LRMDA: variants seen among roughly 807,000 people sequenced by gnomAD.
LRMDA encodes the protein leucine rich melanocyte differentiation associated, also known as leucine-rich melanocyte differentiation-associated protein.
In LRMDA, 18 loss-of-function variants were observed where a neutral mutation model predicts 29.8. That is an observed-to-expected ratio of 0.60 (90% CI 0.42 to 0.90). LRMDA has a LOEUF of 0.90. Ranked by LOEUF, LRMDA falls within the 40% of genes least tolerant of loss-of-function variation. The pLI is 0.00. For missense variants in LRMDA, 273 were observed against 273.9 expected, an observed-to-expected ratio of 1.00 and a Z score of 0.02; for synonymous variants, 125 against 109.4, an observed-to-expected ratio of 1.14 and a Z score of -0.89.
At chr10:76,160,895 C>G (rs1850634991) in intron 5 of LRMDA, among the ~76,000 whole-genome samples, 1 of 152,086 alleles carries the variant, frequency 6.6e-6, no homozygotes, top group African/African-American at 2.4e-5. Flanking sequence ...TGAGGTGTAT[C>G]TAAGATTTCT....
intron 2 of LRMDA, among the ~76,000 whole-genome samples, chr10:75,542,842 C>T (rs1300736988): frequency 6.6e-6 from 1 of 152,138 alleles, no homozygotes; most frequent in East Asian, 1.9e-4. Context: ...CCAACGTGGC[C>T]CCATTGCAGG....
At chr10:75,623,143 G>A (rs1564525026) in intron 2 of LRMDA, among the ~76,000 whole-genome samples, 2 of 152,016 alleles carry the variant, frequency 1.3e-5, no homozygotes, top group Non-Finnish European at 2.9e-5. Flanking sequence ...AACTTTAAAG[G>A]GTAATTGTAA....
chr10:76,400,599 A>G (rs982340617), intron 6 of LRMDA, among the ~76,000 whole-genome samples: 2 of 152,156 alleles, frequency 1.3e-5, no homozygotes, highest in African/African-American at 4.8e-5. Context: ...CCTGAGCACA[A>G]TTACCTCTGT....
intron 2 of LRMDA, among the ~76,000 whole-genome samples, chr10:75,966,401 G>A (rs1343983534): frequency 3.9e-5 from 6 of 152,102 alleles, no homozygotes; most frequent in South Asian, 4.2e-4. Flanking sequence ...GAACCCATAC[G>A]CGGAAAGCAC....
chr10:75,441,444 T>C (rs1022833082), intron 2 of LRMDA, among the ~76,000 whole-genome samples: 3 of 152,210 alleles, frequency 2.0e-5, no homozygotes, highest in Non-Finnish European at 4.4e-5. Context: ...ATGTATTGAC[T>C]TGTACTGCCA....
At chr10:75,950,150 C>G (rs181080844) in intron 2 of LRMDA, among the ~76,000 whole-genome samples, 1 of 152,170 alleles carries the variant, frequency 6.6e-6, no homozygotes, top group Admixed American at 6.5e-5. Flanking sequence ...GCTGGGGTCA[C>G]CCCCCTTCCT....
intron 2 of LRMDA, among the ~76,000 whole-genome samples, chr10:75,485,895 TATTA>T (rs898641927): frequency 2.0e-5 from 3 of 152,216 alleles, no homozygotes; most frequent in African/African-American, 4.8e-5. Context: ...TATAATTTCT[TATTA>T]ATTATTGTTT....
intron 5 of LRMDA, among the ~76,000 whole-genome samples, chr10:76,065,553 A>G (rs1410023768): frequency 6.6e-6 from 1 of 152,186 alleles, no homozygotes; most frequent in Non-Finnish European, 1.5e-5. Context: ...TTAGCCTCCC[A>G]CATGCTCGCT....
At chr10:76,487,973 C>G (rs1382711151) in intron 6 of LRMDA, among the ~76,000 whole-genome samples, 1 of 151,698 alleles carries the variant, frequency 6.6e-6, no homozygotes, top group Non-Finnish European at 1.5e-5. Flanking sequence ...AAAATGACAC[C>G]ATATACAGAA....
At chr10:75,966,247 T>C (rs1267202161) in intron 2 of LRMDA, among the ~76,000 whole-genome samples, 1 of 152,202 alleles carries the variant, frequency 6.6e-6, no homozygotes, top group African/African-American at 2.4e-5. Flanking sequence ...AGCCTGGGTG[T>C]GAATCCCAGC....
chr10:76,169,951 C>T (rs1850805403), intron 5 of LRMDA, among the ~76,000 whole-genome samples: 1 of 152,082 alleles, frequency 6.6e-6, no homozygotes, highest in Non-Finnish European at 1.5e-5. Context: ...AAGGGTATGG[C>T]CTTACCCTTG....
chr10:76,457,401 T>G (rs1277460678), intron 6 of LRMDA, among the ~76,000 whole-genome samples: 1 of 152,198 alleles, frequency 6.6e-6, no homozygotes, highest in Admixed American at 6.5e-5. Flanking sequence ...GATGTGCATG[T>G]TTCCAGCTGA....
intron 6 of LRMDA, among the ~76,000 whole-genome samples, chr10:76,442,875 T>C (rs1178528156): frequency 2.0e-5 from 3 of 152,224 alleles, no homozygotes; most frequent in African/African-American, 7.2e-5. Context: ...TTTTAATTTC[T>C]GAGGGAAGAT....
chr10:76,525,374 A>G (rs751661808), intron 6 of LRMDA, among the ~76,000 whole-genome samples: 65 of 152,150 alleles, frequency 4.3e-4, no homozygotes, highest in African/African-American at 1.4e-3. Flanking sequence ...GTTAACCATG[A>G]TGACATCTCA....
chr10:76,445,891 A>G (rs7915954), intron 6 of LRMDA, among the ~76,000 whole-genome samples: 43,527 of 152,110 alleles, frequency 0.29, 6,849 homozygotes, highest in Non-Finnish European at 0.36. Context: ...CTGAATATGA[A>G]AAAGTGCTAA....
chr10:76,482,979 T>C (rs1185811968), intron 6 of LRMDA, among the ~76,000 whole-genome samples: 1 of 151,894 alleles, frequency 6.6e-6, no homozygotes, highest in Non-Finnish European at 1.5e-5. Flanking sequence ...TTTTCCCTGT[T>C]GGCTGATGAA....
intron 2 of LRMDA, among the ~76,000 whole-genome samples, chr10:75,820,893 G>A (rs1032522046): frequency 6.6e-6 from 1 of 152,084 alleles, no homozygotes; most frequent in African/African-American, 2.4e-5. Flanking sequence ...ATCTGTTTAT[G>A]TACAAACTAG....
chr10:76,092,062 G>A (rs1849240432), intron 5 of LRMDA, among the ~76,000 whole-genome samples: 1 of 152,120 alleles, frequency 6.6e-6, no homozygotes, highest in Admixed American at 6.5e-5. Flanking sequence ...TTCAGGAGGA[G>A]GTTGTTGGCA....
At chr10:76,355,711 G>A (rs1356410022) in intron 6 of LRMDA, among the ~76,000 whole-genome samples, 1 of 152,172 alleles carries the variant, frequency 6.6e-6, no homozygotes, top group African/African-American at 2.4e-5. Context: ...TGGAAAAATG[G>A]CATGTCTAAC....
Sources: allele counts gnomAD v4.1 joint callset (sites outside exome capture counted in the v4.1 genomes callset), GRCh38; gene constraint gnomAD v4.1.1; transcripts MANE v1.5; gene names NCBI Gene and HGNC (gene_info 2026-07-23, HGNC 2026-07-21).